Variants in TECPR2 observed in about 807,000 individuals in gnomAD.
TECPR2 encodes the protein tectonin beta-propeller repeat containing 2, also known as tectonin beta-propeller repeat-containing protein 2.
TECPR2 carries 65 observed loss-of-function variants against 138.1 expected under a neutral mutation model. That is an observed-to-expected ratio of 0.47 (90% CI 0.39 to 0.58). The LOEUF is 0.58. Among genes scored for constraint, TECPR2 ranks in the 20% least tolerant of loss-of-function variants. TECPR2 has a pLI of 0.00. For synonymous variants in TECPR2, 746 were observed against 749.8 expected (o/e 0.99, Z 0.08); for missense variants, 1,553 against 1,824.5 (o/e 0.85, Z 2.71).
In TECPR2 at chr14:102,434,540, C is replaced by T; in HGVS notation, c.1723C>T (p.His575Tyr). The change falls in exon 9 of 20, where the codon CAT (histidine) becomes TAT (tyrosine). Residue 575 changes from histidine to tyrosine, a missense_variant. Transcript: ENST00000359520. ...TAGAACTGAAATGCCACACTGTCACCATGCACATGGGCGGGAGCTGCTCAA... is the reference window on the plus strand; with the variant it reads ...TAGAACTGAAATGCCACACTGTCACTATGCACATGGGCGGGAGCTGCTCAA... ...DIRTEMPHCH[H>Y]AHGRELLNGA... The T allele has an allele frequency of 6.4e-7, 1 of 1,554,012 alleles. No individual in the cohort carries two copies. Among genetic ancestry groups the T allele is most frequent in the Non-Finnish European group, 8.7e-7 (1 of 1,148,670 alleles).
intron 10 of TECPR2, chr14:102,438,440 T>G (rs1426620940): frequency 4.0e-6 from 2 of 502,918 alleles, no homozygotes; most frequent in Non-Finnish European, 6.9e-6. Context: ...GTTTGAGTTT[T>G]TGTTTTCTTT....
chr14:102,443,739 G>A lies in TECPR2; in HGVS notation c.2845G>A (p.Ala949Thr), dbSNP rs754403888. 3 of 1,612,984 alleles carry A rather than the reference G, an allele frequency of 1.9e-6. No homozygotes were observed. The highest frequency in any genetic ancestry group is 2.2e-5 in the East Asian group (1 of 44,856). The part of the protein sequence containing the change: ...QITARNNVVW[A>T]LTEQRALLYR... ...CACAGCCCGGAACAATGTGGTGTGG[G>A]CGCTGACAGAGCAGAGGGCCCTCCT... Residue 949 changes from alanine to threonine, a missense_variant, in exon 12 of 20, where the codon GCG becomes ACG. Coordinates refer to ENST00000359520, the MANE Select transcript of TECPR2 (RefSeq NM_014844.5). This position sits in a 1 kb window ranked among gnomAD's most constrained non-coding sequence, Gnocchi z 4.9.
chr14:102,449,134 C>T (rs772036979), intron 13 of TECPR2, among the ~76,000 whole-genome samples: 63 of 152,098 alleles, frequency 4.1e-4, no homozygotes, highest in Admixed American at 8.5e-4. Flanking sequence ...TAGTAGCATT[C>T]GCCTGTATTT....
At chr14:102,386,569 A>G (rs778113700) in intron 2 of TECPR2, among the ~76,000 whole-genome samples, 11 of 152,194 alleles carry the variant, frequency 7.2e-5, no homozygotes, top group Non-Finnish European at 1.5e-4. Flanking sequence ...CTATATGTAA[A>G]CACATAGGAA....
chr14:102,465,632 C>T, intron 17 of TECPR2: 1 of 1,000,860 alleles, frequency 1.0e-6, no homozygotes, highest in Non-Finnish European at 1.2e-6. Context: ...GATAATAAAT[C>T]AGTACCCAGA....
At chr14:102,452,894 G>A (rs535984240) in intron 16 of TECPR2, among the ~76,000 whole-genome samples, 2 of 152,200 alleles carry the variant, frequency 1.3e-5, no homozygotes, top group Non-Finnish European at 2.9e-5. Context: ...GGGGCCACTC[G>A]CTGCGAGCGG....
chr14:102,407,976 G>A (rs533206955), intron 3 of TECPR2, among the ~76,000 whole-genome samples: 12 of 151,520 alleles, frequency 7.9e-5, no homozygotes, highest in African/African-American at 2.9e-4. Context: ...CAGCCTGGGC[G>A]ACAGAGGGAG....
intron 17 of TECPR2, chr14:102,465,677 T>C: frequency 1.0e-6 from 1 of 984,080 alleles, no homozygotes; most frequent in Non-Finnish European, 1.2e-6. Flanking sequence ...TTGAATCTTG[T>C]CATGGAGAAA....
chr14:102,458,945 TAAAAAA>T (rs894474077), intron 16 of TECPR2, among the ~76,000 whole-genome samples: 2 of 115,894 alleles, frequency 1.7e-5, no homozygotes, highest in Non-Finnish European at 3.4e-5. Context: ...TCCTGTTTCT[TAAAAAA>T]AAAAAAAATA....
At chr14:102,425,406 T>C in intron 6 of TECPR2, 115 bp downstream of exon 6, 1 of 1,068,466 alleles carries the variant, frequency 9.4e-7, no homozygotes, top group Admixed American at 3.5e-5. Context: ...TGACTTACAC[T>C]TTACTTTTTC....
At chr14:102,411,698 T>TAAAAAAAAAAAAAAA (rs1219515960) in intron 4 of TECPR2, among the ~76,000 whole-genome samples, 114 of 9,686 alleles carry the variant, frequency 0.012, 6 homozygotes, top group Non-Finnish European at 0.015. Context: ...GCCATGTTGC[T>TAAAAAAAAAAAAAAA]CAAAAAAAAA....
At chr14:102,453,554 A>G (rs374123676) in intron 16 of TECPR2, among the ~76,000 whole-genome samples, 30 of 152,274 alleles carry the variant, frequency 2.0e-4, no homozygotes, top group African/African-American at 7.2e-4. Flanking sequence ...GTTCCAAGAA[A>G]TAATAACATA....
chr14:102,412,329 C>T (rs937541896), intron 4 of TECPR2, among the ~76,000 whole-genome samples: 1 of 151,982 alleles, frequency 6.6e-6, no homozygotes, highest in African/African-American at 2.4e-5. Context: ...GACAGGGCTT[C>T]GCCATGTTGC....
chr14:102,492,669 C>A (rs1250478528), intron 17 of TECPR2, among the ~76,000 whole-genome samples: 2 of 152,166 alleles, frequency 1.3e-5, no homozygotes, highest in African/African-American at 4.8e-5. Flanking sequence ...AGCTCCCAGG[C>A]AGCACAGGGG....
intron 7 of TECPR2, among the ~76,000 whole-genome samples, chr14:102,429,210 T>TA (rs1209149735): frequency 6.6e-6 from 1 of 152,184 alleles, no homozygotes; most frequent in African/African-American, 2.4e-5. Flanking sequence ...CTTTAAGGCT[T>TA]ACATCAGATA....
chr14:102,394,279 C>A (rs1330421004), intron 2 of TECPR2, among the ~76,000 whole-genome samples: 1 of 152,088 alleles, frequency 6.6e-6, no homozygotes, highest in South Asian at 2.1e-4. Flanking sequence ...GTGTGTGAAT[C>A]CTGACTCTTG....
intron 16 of TECPR2, among the ~76,000 whole-genome samples, chr14:102,455,679 C>T (rs1185017754): frequency 6.6e-6 from 1 of 151,928 alleles, no homozygotes; most frequent in African/African-American, 2.4e-5. Context: ...GGCACGATCT[C>T]GGCTCACTGC....
chr14:102,409,270 G>A (rs897423731), intron 4 of TECPR2, among the ~76,000 whole-genome samples: 3 of 151,790 alleles, frequency 2.0e-5, no homozygotes, highest in African/African-American at 4.8e-5. Flanking sequence ...CTTATTTGTA[G>A]CCTTCATTCC....
At chr14:102,433,151 A>G (rs1889557991) in intron 8 of TECPR2, among the ~76,000 whole-genome samples, 1 of 151,952 alleles carries the variant, frequency 6.6e-6, no homozygotes, top group Non-Finnish European at 1.5e-5. Flanking sequence ...TGAATATGCT[A>G]CCAAATATGG....
Sources: gnomAD v4.1 joint callset for allele counts (sites outside exome capture counted in the v4.1 genomes callset) on GRCh38, gnomAD v4.1.1 for gene constraint, Gnocchi (gnomAD v3.1) non-coding constraint, MANE v1.5 for transcripts, NCBI Gene and HGNC (gene_info 2026-07-23, HGNC 2026-07-21) for gene names.